Variants in HECA observed in about 807,000 individuals in gnomAD.
The protein encoded by HECA is headcase protein homolog.
Under a neutral mutation model 37.6 loss-of-function variants are expected in HECA, and 13 were observed. That is an observed-to-expected ratio of 0.35 (90% CI 0.23 to 0.55). HECA has a LOEUF of 0.55. Among genes scored for constraint, HECA ranks in the 20% least tolerant of loss-of-function variants. The pLI is 0.90. For missense variants in HECA, 527 were observed against 701.9 expected, an observed-to-expected ratio of 0.75 and a Z score of 2.82; for synonymous variants, 307 against 291.5, an observed-to-expected ratio of 1.05 and a Z score of -0.54.
chr6:139,149,409 T>C (rs1479405281), intron 1 of HECA, among the ~76,000 whole-genome samples: 1 of 152,212 alleles, frequency 6.6e-6, no homozygotes, highest in Admixed American at 6.5e-5. Context: ...ACCATAGAGC[T>C]GTTTGGAAAA....
intron 1 of HECA, among the ~76,000 whole-genome samples, chr6:139,142,729 TG>T (rs1774530841): frequency 6.6e-6 from 1 of 152,228 alleles, no homozygotes; most frequent in South Asian, 2.1e-4. Context: ...GGGCGGATCA[TG>T]AGGTCAGGAG....
intron 1 of HECA, among the ~76,000 whole-genome samples, chr6:139,149,384 C>T (rs778046809): frequency 2.6e-5 from 4 of 152,348 alleles, no homozygotes; most frequent in East Asian, 1.9e-4. Flanking sequence ...CTGTTTGTGA[C>T]GAGCTCTTTT....
chr6:139,135,241 G>A lies in HECA; in HGVS notation c.-156G>A. On this transcript the variant is annotated 5_prime_UTR_variant, in exon 1 of 4. Transcript: ENST00000367658. ...GAGGGCGCGGCGGCCAGGATGGCGC[G>A]GCACGGGCCGTGCGGCTAGACGGGA... The A allele has an allele frequency of 3.8e-6, 2 of 526,600 alleles. No homozygotes were observed. Among genetic ancestry groups the A allele is most frequent in the South Asian group, 1.5e-4 (2 of 13,066 alleles). 32.6% of individuals were successfully genotyped at this position (526,600 alleles called of 1,614,324 possible). A position where few individuals can be genotyped will look rare whatever the true frequency, so the allele number is the denominator to read the frequency against.
intron 1 of HECA, among the ~76,000 whole-genome samples, chr6:139,159,002 G>A (rs1349172191): frequency 1.3e-5 from 2 of 152,120 alleles, no homozygotes; most frequent in South Asian, 2.1e-4. Context: ...GAACCTGGGA[G>A]GCGGAGGTTG....
At chr6:139,155,980 T>C (rs1411240076) in intron 1 of HECA, among the ~76,000 whole-genome samples, 1 of 152,144 alleles carries the variant, frequency 6.6e-6, no homozygotes, top group Non-Finnish European at 1.5e-5. Context: ...ATAAAAGTGC[T>C]TTCTTACCCA....
intron 1 of HECA, among the ~76,000 whole-genome samples, chr6:139,162,266 T>C (rs1011211131): frequency 6.6e-6 from 1 of 151,936 alleles, no homozygotes; most frequent in Non-Finnish European, 1.5e-5. Flanking sequence ...CCTGGTAAAA[T>C]TGGTATGTAG....
Position 139,177,199 on chromosome 6 carries a change from T to C in HECA, c.*94T>C. ...AACATTCTGTGACATTAATTTCCTT[T>C]CTAATTTAAAGGAGAGTTACTTTGT... On this transcript the variant is annotated 3_prime_UTR_variant, in exon 4 of 4. Transcript: ENST00000367658. The surrounding 1 kb of genome is among the most constrained non-coding windows in gnomAD (Gnocchi z 4.9). The C allele has an allele frequency of 1.5e-6, 1 of 656,382 alleles. No individual in the cohort carries two copies. The highest frequency in any genetic ancestry group is 2.6e-6 in the Non-Finnish European group (1 of 386,400). 40.7% of individuals were successfully genotyped at this position (656,382 alleles called of 1,614,324 possible). A position where few individuals can be genotyped will look rare whatever the true frequency, so the allele number is the denominator to read the frequency against.
In HECA at chr6:139,177,825, TTG is replaced by T. The variant is rs1775073577; in HGVS notation, c.*724_*725del. Reference sequence around the variant, plus strand: ...AGAAGGCAGAACTCAATCATTTAAATTGTGTCTTTGAAGTTGGTAATATAGCT... The same window carrying T: ...AGAAGGCAGAACTCAATCATTTAAATTGTCTTTGAAGTTGGTAATATAGCT... On this transcript the variant is annotated 3_prime_UTR_variant, in exon 4 of 4. Coordinates refer to ENST00000367658, the MANE Select transcript of HECA (RefSeq NM_016217.3). This position sits in a 1 kb window ranked among gnomAD's most constrained non-coding sequence, Gnocchi z 4.9. 6.6e-6 allele frequency: 1 copy of T among 152,244 alleles called. No homozygotes were observed. Among genetic ancestry groups the T allele is most frequent in the African/African-American group, 2.4e-5 (1 of 41,454 alleles). 9.4% of individuals were successfully genotyped at this position (152,244 alleles called of 1,614,324 possible).
In HECA at chr6:139,135,623, C is replaced by G; in HGVS notation, c.227C>G (p.Ala76Gly). ...AGGAGTGAAN[A>G]AAAAGAAAAG... is the part of the protein sequence containing the mutation. ...GGCGCGGGGACTGGCGCCGCGAACGCTGCGGCCGCCGCGGGGGCTGCGGCC... is the reference window on the plus strand; with the variant it reads ...GGCGCGGGGACTGGCGCCGCGAACGGTGCGGCCGCCGCGGGGGCTGCGGCC... The change falls in exon 1 of 4, where the codon GCT becomes GGT. Residue 76 changes from alanine to glycine, a missense_variant. Physicochemically the swap from Ala to Gly is moderately conservative, Grantham distance 60. Transcript: ENST00000367658. 1 of 965,852 alleles carries G rather than the reference C, an allele frequency of 1.0e-6. No homozygotes were observed. Among genetic ancestry groups the G allele is most frequent in the Non-Finnish European group, 1.2e-6 (1 of 814,872 alleles). 59.8% of individuals were successfully genotyped at this position (965,852 alleles called of 1,614,324 possible). A position where few individuals can be genotyped will look rare whatever the true frequency, so the allele number is the denominator to read the frequency against.
At chr6:139,164,368 T>C (rs956323589) in intron 1 of HECA, among the ~76,000 whole-genome samples, 1 of 151,788 alleles carries the variant, frequency 6.6e-6, no homozygotes, top group African/African-American at 2.4e-5. Flanking sequence ...GTTATGAACA[T>C]TGGGGGTATC....
In HECA at chr6:139,135,564, C is replaced by CGCGCCGG. The variant is rs1278043063; in HGVS notation, c.176_182dup (p.Gly62ArgfsTer45). The stretch of plus-strand genomic sequence containing the variant: ...CCGGTTGCGGGGCGGCGGCGGCGGG[C>CGCGCCGG]GCGCCGGGCGCCGGAGGCGCGGCGG... On this transcript the variant is annotated frameshift_variant, in exon 1 of 4. Transcript: ENST00000367658. LOFTEE classifies it high-confidence loss of function. 1.0e-6 allele frequency: 1 copy of CGCGCCGG among 972,002 alleles called. No individual in the cohort carries two copies. 60.2% of individuals were successfully genotyped at this position (972,002 alleles called of 1,614,324 possible).
intron 2 of HECA, among the ~76,000 whole-genome samples, chr6:139,168,269 C>T (rs906823624): frequency 1.3e-5 from 2 of 151,998 alleles, no homozygotes; most frequent in Non-Finnish European, 2.9e-5. Context: ...GATAAGATAC[C>T]ACAATTATTA....
chr6:139,169,071 C>T (rs1359385736), intron 2 of HECA, among the ~76,000 whole-genome samples: 1 of 152,144 alleles, frequency 6.6e-6, no homozygotes, highest in Non-Finnish European at 1.5e-5. Context: ...ATTTGTCGTG[C>T]TTTCTGTACT....
At chr6:139,145,490 A>G (rs1774575021) in intron 1 of HECA, among the ~76,000 whole-genome samples, 1 of 152,266 alleles carries the variant, frequency 6.6e-6, no homozygotes, top group African/African-American at 2.4e-5. Context: ...AATTGCTTAG[A>G]TAGCATTTAA....
intron 1 of HECA, 151 bp downstream of exon 1, chr6:139,135,818 G>A (rs577272573): frequency 3.3e-4 from 77 of 230,312 alleles, no homozygotes; most frequent in Non-Finnish European, 2.8e-4. Flanking sequence ...CTGCCCCTTC[G>A]CGGTCCCCAC....
At chr6:139,145,188 A>G (rs1774568573) in intron 1 of HECA, among the ~76,000 whole-genome samples, 1 of 152,230 alleles carries the variant, frequency 6.6e-6, no homozygotes, top group African/African-American at 2.4e-5. Flanking sequence ...AATTTTGTAT[A>G]TTTCAGAAAG....
chr6:139,147,675 A>G (rs988407665), intron 1 of HECA, among the ~76,000 whole-genome samples: 1 of 152,218 alleles, frequency 6.6e-6, no homozygotes, highest in African/African-American at 2.4e-5. Context: ...AAACAAGAAA[A>G]TACTTGACCC....
intron 1 of HECA, among the ~76,000 whole-genome samples, chr6:139,150,591 AATATAT>A (rs35993836): frequency 6.7e-6 from 1 of 150,278 alleles, no homozygotes; most frequent in African/African-American, 2.4e-5. Flanking sequence ...ATTCATTTAG[AATATAT>A]ATATATATGT....
At chr6:139,139,501 G>T in intron 1 of HECA, among the ~76,000 whole-genome samples, 1 of 152,320 alleles carries the variant, frequency 6.6e-6, no homozygotes, top group South Asian at 2.1e-4. Flanking sequence ...AGAGATACAC[G>T]TGCTGGAGGT....
Sources: allele counts gnomAD v4.1 joint callset (sites outside exome capture counted in the v4.1 genomes callset), GRCh38; gene constraint gnomAD v4.1.1; non-coding constraint Gnocchi (gnomAD v3.1); transcripts MANE v1.5; gene names NCBI Gene and HGNC (gene_info 2026-07-23, HGNC 2026-07-21).